Variants in ZNF385D observed in about 807,000 individuals in gnomAD.
ZNF385D encodes the protein zinc finger protein 385D.
In ZNF385D, 15 loss-of-function variants were observed where a neutral mutation model predicts 35.8. The observed-to-expected ratio is 0.42, with a 90% CI of 0.28 to 0.64. The LOEUF is 0.64. ZNF385D is among the 30% of genes least tolerant of loss of function. ZNF385D has a pLI of 0.23. For synonymous variants in ZNF385D, 212 were observed against 186.8 expected (o/e 1.13, Z -1.10); for missense variants, 474 against 494.6 (o/e 0.96, Z 0.39).
chr3:22,368,643 C>A (rs539380165), intron 2 of ZNF385D, among the ~76,000 whole-genome samples: 1 of 152,166 alleles, frequency 6.6e-6, no homozygotes, highest in African/African-American at 2.4e-5. Flanking sequence ...CTTCTTGCTG[C>A]ATCTTCACAT....
chr3:22,118,144 G>A (rs1702902686), intron 3 of ZNF385D, among the ~76,000 whole-genome samples: 1 of 152,150 alleles, frequency 6.6e-6, no homozygotes, highest in Non-Finnish European at 1.5e-5. Context: ...TAAAATAAAT[G>A]AAGCGTACTT....
At chr3:21,750,756 C>T (rs1317662421) in intron 1 of ZNF385D, 139 bp downstream of exon 1, 4 of 987,454 alleles carry the variant, frequency 4.1e-6, no homozygotes, top group African/African-American at 1.6e-5. Flanking sequence ...AAGGCTGCAC[C>T]GGCTTGGTCC....
At chr3:22,169,004 C>T in exon 3 of ZNF385D, 3 of 985,800 alleles carry the variant, frequency 3.0e-6, no homozygotes, top group Non-Finnish European at 3.6e-6. Context: ...TTAATTCAGC[C>T]TCACTCTCGC....
chr3:22,125,363 G>A (rs552768195), intron 3 of ZNF385D, among the ~76,000 whole-genome samples: 1 of 152,024 alleles, frequency 6.6e-6, no homozygotes, highest in Non-Finnish European at 1.5e-5. Flanking sequence ...CTTCAGTTTT[G>A]CTCTTTTTGC....
intron 2 of ZNF385D, among the ~76,000 whole-genome samples, chr3:22,349,480 A>G (rs2125494266): frequency 6.6e-6 from 1 of 152,244 alleles, no homozygotes; most frequent in South Asian, 2.1e-4. Context: ...TACACTGGTG[A>G]TATCTGTGTT....
chr3:22,060,057 A>T (rs1045310277), intron 3 of ZNF385D, among the ~76,000 whole-genome samples: 2 of 152,174 alleles, frequency 1.3e-5, no homozygotes, highest in African/African-American at 4.8e-5. Flanking sequence ...TCAGACCTTC[A>T]AATTCCAGGA....
intron 3 of ZNF385D, among the ~76,000 whole-genome samples, chr3:21,786,782 T>C (rs921834249): frequency 5.9e-5 from 9 of 152,190 alleles, no homozygotes; most frequent in Non-Finnish European, 1.3e-4. Flanking sequence ...ATGAATGAAA[T>C]CAACAGATTT....
chr3:22,075,049 G>T (rs1042735730), intron 3 of ZNF385D, among the ~76,000 whole-genome samples: 1 of 151,890 alleles, frequency 6.6e-6, no homozygotes, highest in African/African-American at 2.4e-5. Flanking sequence ...GAAACTTGCA[G>T]AGTAATTTTT....
chr3:21,842,032 AATGT>A (rs1695714995), intron 3 of ZNF385D, among the ~76,000 whole-genome samples: 1 of 151,838 alleles, frequency 6.6e-6, no homozygotes, highest in African/African-American at 2.4e-5. Flanking sequence ...TATAATTGAA[AATGT>A]ATTTGTATAA....
At chr3:22,172,000 C>A (rs934212228) in intron 2 of ZNF385D, among the ~76,000 whole-genome samples, 6 of 151,286 alleles carry the variant, frequency 4.0e-5, no homozygotes, top group Non-Finnish European at 8.8e-5. Context: ...ATGGTAAAAA[C>A]GACATGCTTA....
At position 21,709,309 on chromosome 3, in the gene ZNF385D, C is replaced by T. The variant is rs187061922; in HGVS notation, c.22+41586G>A. ...TGTGTTTTCTATGCTAATCTTCCTT[C>T]CAAACATTCAATGACTTTCTAATTT... On this transcript the variant is annotated intron_variant, in intron 1 of 7. Coordinates refer to ENST00000281523, the MANE Select transcript of ZNF385D (RefSeq NM_024697.3). Among the ~76,000 whole-genome samples the T allele has an allele frequency of 1.3e-3, 196 of 152,216 alleles. 2 individuals carry two copies. Among genetic ancestry groups the T allele is most frequent in the Middle Eastern group, 0.01 (3 of 292 alleles).
rs145194631 is a variant in ZNF385D, at chr3:22,287,272, T to C, written c.106+85178A>G. Among the ~76,000 whole-genome samples, 837 of 152,134 alleles carry C rather than the reference T, an allele frequency of 5.5e-3. 6 individuals carry two copies. Among genetic ancestry groups the C allele is most frequent in the African/African-American group, 0.018 (741 of 41,558 alleles). Reference sequence around the variant, plus strand: ...AGTTTATTTGTCCTCAAAGGAGAAATGAGTCTCTTAAAGTGAGCACATTGT... The same window carrying C: ...AGTTTATTTGTCCTCAAAGGAGAAACGAGTCTCTTAAAGTGAGCACATTGT... On this transcript the variant is annotated intron_variant, in intron 2 of 5. Coordinates refer to the ZNF385D transcript ENST00000494108.
intron 3 of ZNF385D, among the ~76,000 whole-genome samples, chr3:21,793,366 G>A (rs2072008253): frequency 6.6e-6 from 1 of 152,324 alleles, no homozygotes; most frequent in South Asian, 2.1e-4. Context: ...GCTCATTTGA[G>A]TAGTAATTTT....
chr3:21,739,801 C>T (rs530449026), intron 1 of ZNF385D, among the ~76,000 whole-genome samples: 1 of 152,244 alleles, frequency 6.6e-6, no homozygotes, highest in South Asian at 2.1e-4. Context: ...AGTACCGAGT[C>T]AGGTCTATAA....
intron 1 of ZNF385D, among the ~76,000 whole-genome samples, chr3:21,708,157 T>C (rs746659995): frequency 3.3e-5 from 5 of 152,192 alleles, no homozygotes; most frequent in Admixed American, 2.0e-4. Flanking sequence ...CAGTTTAAAT[T>C]TGTTGGTGCT....
chr3:21,760,398 C>T (rs982423011), intron 3 of ZNF385D, among the ~76,000 whole-genome samples: 3 of 152,156 alleles, frequency 2.0e-5, no homozygotes, highest in African/African-American at 7.2e-5. Context: ...TTTCTCTGTA[C>T]TGGTAATGCT....
chr3:21,567,459 A>T (rs553750141), intron 2 of ZNF385D, among the ~76,000 whole-genome samples: 1 of 152,294 alleles, frequency 6.6e-6, no homozygotes, highest in South Asian at 2.1e-4. Flanking sequence ...AAATGTGTGA[A>T]TCTGCGCTGC....
intron 2 of ZNF385D, among the ~76,000 whole-genome samples, chr3:21,648,472 T>G (rs1352646): frequency 0.58 from 87,847 of 151,972 alleles, 26,644 homozygotes; most frequent in Non-Finnish European, 0.66. Flanking sequence ...TGCTAGGACA[T>G]GTAGGCAGTT....
intron 1 of ZNF385D, among the ~76,000 whole-genome samples, chr3:21,694,582 C>T (rs1390612817): frequency 1.3e-5 from 2 of 152,106 alleles, no homozygotes; most frequent in Non-Finnish European, 2.9e-5. Context: ...TAGAGAAAGA[C>T]AATTCGGAAA....
Sources: allele counts gnomAD v4.1 joint callset (sites outside exome capture counted in the v4.1 genomes callset), GRCh38; gene constraint gnomAD v4.1.1; transcripts MANE v1.5; gene names NCBI Gene and HGNC (gene_info 2026-07-23, HGNC 2026-07-21).